Variants in AP4B1 observed in about 807,000 individuals in gnomAD.
AP4B1 encodes the protein AP-4 complex subunit beta-1.
AP4B1 carries 49 observed loss-of-function variants against 76.5 expected under a neutral mutation model. The observed-to-expected ratio is 0.64, with a 90% CI of 0.51 to 0.81. AP4B1 has a LOEUF of 0.81. Ranked by LOEUF, AP4B1 falls within the 40% of genes least tolerant of loss-of-function variation. AP4B1 has a pLI of 0.00. For synonymous variants in AP4B1, 330 were observed against 333.3 expected, an observed-to-expected ratio of 0.99 and a Z score of 0.11; for missense variants, 911 against 904.9, an observed-to-expected ratio of 1.01 and a Z score of -0.09.
Position 113,896,236 on chromosome 1 carries a change from T to C in AP4B1, c.1510+22A>G. 3.1e-6 allele frequency: 5 copies of C among 1,613,446 alleles called. 1 individual carries two copies. The South Asian group carries it at 4.4e-5, about 14-fold the overall frequency. Reference sequence around the variant, plus strand: ...TTTTACTATGGGTCATGGCAAATACTATTTCCTTCTGAAAAACCCACCTAT... The same window carrying C: ...TTTTACTATGGGTCATGGCAAATACCATTTCCTTCTGAAAAACCCACCTAT... On this transcript the variant is annotated intron_variant, in intron 8 of 9. Transcript: ENST00000369569.
chr1:113,904,552 C>A, intron 1 of AP4B1, 53 bp downstream of exon 1: 1 of 1,542,846 alleles, frequency 6.5e-7, no homozygotes, highest in Non-Finnish European at 9.0e-7. Context: ...CTAGTGAGCC[C>A]TGATGGGGAT....
chr1:113,904,780 C>G lies in AP4B1; in HGVS notation c.-63G>C. 1 of 1,353,274 alleles carries G rather than the reference C, an allele frequency of 7.4e-7. No individual in the cohort carries two copies. Among genetic ancestry groups the G allele is most frequent in the Non-Finnish European group, 1.1e-6 (1 of 944,112 alleles). The allele number at this position is 1,353,274 out of a possible 1,614,324, so 83.8% of individuals were successfully genotyped here. On this transcript the variant is annotated 5_prime_UTR_variant, in exon 1 of 10. Transcript: ENST00000369569. The stretch of plus-strand genomic sequence containing the variant: ...CGGTAACTCGAGGGCTCCTTCTCGT[C>G]CTGATGTGGGAGCCTGAGTAAAGGA...
chr1:113,900,273 G>C lies in AP4B1; in HGVS notation c.745C>G (p.Pro249Ala), dbSNP rs1230038514. 1 of 1,605,414 alleles carries C rather than the reference G, an allele frequency of 6.2e-7. No individual in the cohort carries two copies. The highest frequency in any genetic ancestry group is 1.1e-5 in the South Asian group (1 of 90,282). The change falls in exon 5 of 10, where the codon CCA (proline) becomes GCA (alanine). Residue 249 changes from proline to alanine, a missense_variant. Coordinates refer to ENST00000369569, the MANE Select transcript of AP4B1 (RefSeq NM_001253852.3). Reference sequence around the variant, plus strand: ...TTGGTAGCTCCCATCACCACACCTGGGCTACTGCTCTTGAGGAAACTATCC... The same window carrying C: ...TTGGTAGCTCCCATCACCACACCTGCGCTACTGCTCTTGAGGAAACTATCC... ...LLDSFLKSSS[P>A]GVVMGATKLF...
In AP4B1 at chr1:113,895,926, A is replaced by G; in HGVS notation, c.1623T>C (p.Thr541=). The G allele has an allele frequency of 6.2e-7, 1 of 1,614,206 alleles. No individual in the cohort carries two copies. The highest frequency in any genetic ancestry group is 8.5e-7 in the Non-Finnish European group (1 of 1,180,046). ...CTGCCGGATCCTCCAAAAGTCCAAG[A>G]GTAGGGTCAGATTTAGGGCTACACA... The part of the protein sequence containing the change: ...RILCSPKSDP[T]LGLLEDPAER... The change falls in exon 9 of 10, where the codon ACT becomes ACC. Residue 541 remains threonine, a synonymous_variant. Coordinates refer to ENST00000369569, the MANE Select transcript of AP4B1 (RefSeq NM_001253852.3).
rs750623799 is a variant in AP4B1 at position 113,900,161 on chromosome 1, G to A, written c.857C>T (p.Ser286Phe). The stretch of plus-strand genomic sequence containing the variant: ...AAAACAGAGCTCACGGCTCTCTGAA[G>A]AACAGGCAGCTAGCAAAGGTCCCTT... ...RVKGPLLAAC[S>F]SESRELCFVA... Residue 286 changes from serine to phenylalanine, a missense_variant, in exon 5 of 10, where the codon TCT becomes TTT. Ser to Phe is a radical substitution (Grantham distance 155). Transcript: ENST00000369569. 3.1e-6 allele frequency: 5 copies of A among 1,614,094 alleles called. No individual in the cohort carries two copies. In the African/African-American group the frequency reaches 5.3e-5, roughly 17 times the overall value.
At position 113,902,656 on chromosome 1, in the gene AP4B1, C is replaced by T. The variant is rs768358629; in HGVS notation, c.320G>A (p.Arg107Gln). 11 of 1,613,136 alleles carry T rather than the reference C, an allele frequency of 6.8e-6. No individual in the cohort carries two copies. Among genetic ancestry groups the T allele is most frequent in the South Asian group, 5.5e-5 (5 of 91,032 alleles). The change falls in exon 2 of 10, where the codon CGG becomes CAG. Residue 107 changes from arginine to glutamine, a missense_variant. Coordinates refer to ENST00000369569, the MANE Select transcript of AP4B1 (RefSeq NM_001253852.3). ...PNPMVRGLAL[R>Q]SMCSLRMPGV... ...TACTCACCTGAGGCTACACATGCTC[C>T]GTAACGCCAGCCCTCGCACCATTGG...
At position 113,901,315 on chromosome 1, in the gene AP4B1, A is replaced by T. The variant is rs1330703278; in HGVS notation, c.538T>A (p.Leu180Met). The change falls in exon 4 of 10, where the codon TTG becomes ATG. Residue 180 changes from leucine to methionine, a missense_variant. Transcript: ENST00000369569. ...DQDPIVVVNC[L>M]RSLEEILKQE... ...TTCAGAATTTCCTCTAGAGACCTCAAGCAGTTCACAACTACAATTGGATCC... is the reference window on the plus strand; with the variant it reads ...TTCAGAATTTCCTCTAGAGACCTCATGCAGTTCACAACTACAATTGGATCC... 1 of 1,614,104 alleles carries T rather than the reference A, an allele frequency of 6.2e-7. No individual in the cohort carries two copies. Among genetic ancestry groups the T allele is most frequent in the Admixed American group, 1.7e-5 (1 of 60,022 alleles).
chr1:113,899,445 T>C (rs1468023659), intron 5 of AP4B1: 4 of 760,974 alleles, frequency 5.3e-6, no homozygotes, highest in Middle Eastern at 6.3e-4. Context: ...TGGATTAACA[T>C]AGGACTTTGA....
chr1:113,902,883 A>G, intron 1 of AP4B1, 21 bp from the exon 2 acceptor site: 7 of 1,611,578 alleles, frequency 4.3e-6, no homozygotes, highest in Non-Finnish European at 5.9e-6. Context: ...CACATGACAG[A>G]AGGAAGTAAA....
At chr1:113,900,773 C>A in intron 4 of AP4B1, 1 of 279,564 alleles carries the variant, frequency 3.6e-6, no homozygotes, top group Non-Finnish European at 6.8e-6. Flanking sequence ...GAAAGTAAGG[C>A]AAATAAAAGA....
chr1:113,901,736 T>A lies in AP4B1; in HGVS notation c.469+19A>T. 1 of 1,614,200 alleles carries A rather than the reference T, an allele frequency of 6.2e-7. No individual in the cohort carries two copies. The highest frequency in any genetic ancestry group is 1.6e-4 in the Middle Eastern group (1 of 6,062). On this transcript the variant is annotated intron_variant, in intron 3 of 9. Coordinates refer to ENST00000369569, the MANE Select transcript of AP4B1 (RefSeq NM_001253852.3). ...CATAATGGAGGCACATTGACCATGATGGATTACACTGAACTTACCTACTTC... is the reference window on the plus strand; with the variant it reads ...CATAATGGAGGCACATTGACCATGAAGGATTACACTGAACTTACCTACTTC...
Position 113,894,889 on chromosome 1 carries a change from T to C in AP4B1, c.*176A>G, listed in dbSNP as rs1332057309. On this transcript the variant is annotated 3_prime_UTR_variant, in exon 10 of 10. Transcript: ENST00000369569. Reference sequence around the variant, plus strand: ...ACTGAAAAATGGGGTCAATTGCCAATAGGAATGAAAGGAATGAATCAATGT... The same window carrying C: ...ACTGAAAAATGGGGTCAATTGCCAACAGGAATGAAAGGAATGAATCAATGT... The C allele has an allele frequency of 5.9e-6, 4 of 676,708 alleles. No individual in the cohort carries two copies. The highest frequency in any genetic ancestry group is 5.9e-5 in the Admixed American group (2 of 33,768). The allele number at this position is 676,708 out of a possible 1,614,324, so 41.9% of individuals were successfully genotyped here.
intron 9 of AP4B1, 67 bp downstream of exon 9, chr1:113,895,690 C>A (rs1239800532): frequency 6.2e-7 from 1 of 1,603,344 alleles, no homozygotes; most frequent in Non-Finnish European, 8.5e-7. Flanking sequence ...AGATACTCTA[C>A]TTTCCACCAA....
intron 5 of AP4B1, 149 bp from the exon 6 acceptor site, chr1:113,898,950 G>C (rs1667863265): frequency 3.3e-6 from 3 of 913,826 alleles, no homozygotes; most frequent in African/African-American, 1.7e-5. Context: ...GATGAACTAA[G>C]AATATAAGTT....
At chr1:113,898,591 C>T in intron 6 of AP4B1, 127 bp downstream of exon 6, 1 of 799,616 alleles carries the variant, frequency 1.3e-6, no homozygotes, top group Non-Finnish European at 2.2e-6. Context: ...CTAACAGCAA[C>T]AGATGATGAT....
chr1:113,902,643 G>T lies in AP4B1; in HGVS notation c.333C>A (p.Ser111Arg). 6.2e-7 allele frequency: 1 copy of T among 1,612,756 alleles called. No individual in the cohort carries two copies. Among genetic ancestry groups the T allele is most frequent in the Non-Finnish European group, 8.5e-7 (1 of 1,179,966 alleles). Reference sequence around the variant, plus strand: ...ACAGAGAAGAGGGTACTCACCTGAGGCTACACATGCTCCGTAACGCCAGCC... The same window carrying T: ...ACAGAGAAGAGGGTACTCACCTGAGTCTACACATGCTCCGTAACGCCAGCC... ...VRGLALRSMC[S>R]LRMPGVQEYI... is the part of the protein sequence containing the mutation. Residue 111 changes from serine (S) to arginine (R), a missense_variant, in exon 2 of 10, where the codon AGC becomes AGA. By Grantham distance (110) the Ser-to-Arg change is moderately radical. Transcript: ENST00000369569.
chr1:113,895,760 A>C lies in AP4B1; in HGVS notation c.1789T>G (p.Ser597Ala), dbSNP rs545072287. The change falls in exon 9 of 10, where the codon TCA (serine) becomes GCA (alanine). Residue 597 changes from serine to alanine, a missense_variant. By Grantham distance (99) the Ser-to-Ala change is moderately conservative. Transcript: ENST00000369569. ...ELPKTSSFAA[S>A]GPLIPEENKE... ...TTAAGGTAAGGACTGTTTTTACCTG[A>C]TGCGGCAAAGGATGAAGTTTTAGGA... The C allele has an allele frequency of 1.9e-6, 3 of 1,614,122 alleles. No individual in the cohort carries two copies. In the African/African-American group the frequency reaches 4.0e-5, roughly 22 times the overall value.
intron 5 of AP4B1, 75 bp from the exon 6 acceptor site, chr1:113,898,876 G>C: frequency 9.0e-7 from 1 of 1,115,906 alleles, no homozygotes; most frequent in South Asian, 1.3e-5. Context: ...TCTCCCACCA[G>C]TGAAAGACAA....
chr1:113,899,941 C>T lies in AP4B1; in HGVS notation c.1077G>A (p.Val359=), dbSNP rs532947103. The T allele has an allele frequency of 2.1e-5, 34 of 1,614,070 alleles. No individual in the cohort carries two copies. Among genetic ancestry groups the T allele is most frequent in the Non-Finnish European group, 2.6e-5 (31 of 1,180,044 alleles). ...TGGCAGCCTGTGCAAAGTCCGCAGA[C>T]ACATCCGTGCAGTACCCTCGAAGCT... ...LEELRGYCTD[V]SADFAQAAIF... The change falls in exon 5 of 10, where the codon GTG becomes GTA. Residue 359 remains valine (V), a synonymous_variant. Transcript: ENST00000369569.
Sources: allele counts gnomAD v4.1 joint callset, GRCh38; gene constraint gnomAD v4.1.1; transcripts MANE v1.5; gene names NCBI Gene and HGNC (gene_info 2026-07-23, HGNC 2026-07-21).